Variants in GIGYF1 observed in about 807,000 individuals in gnomAD.
GIGYF1 encodes the protein GRB10-interacting GYF protein 1.
In GIGYF1, 84 loss-of-function variants were observed where a neutral mutation model predicts 147.1. The ratio of observed to expected loss-of-function variants is 0.57; its 90% CI spans 0.48 to 0.68. The LOEUF (loss-of-function observed/expected upper bound fraction) is 0.68. Ranked by LOEUF, GIGYF1 falls within the 30% of genes least tolerant of loss-of-function variation. The pLI is 0.00. For missense variants in GIGYF1, 1,485 were observed against 1,393.7 expected (o/e 1.07, Z -1.04); for synonymous variants, 752 against 589.5 (o/e 1.28, Z -3.99).
chr7:100,686,213 G>C lies in GIGYF1; in HGVS notation c.915C>G (p.Thr305=), dbSNP rs1805323052. Residue 305 remains threonine (T), a synonymous_variant, in exon 11 of 27, where the codon ACC becomes ACG. Transcript: ENST00000678049. ...GCAAGAAGGCCCCAGAGGCATCAAA[G>C]GTGCCCATTTCTTCATCCTCATCGT... ...CLDDEDEEMG[T]FDASGAFLPL... The C allele has an allele frequency of 6.2e-7, 1 of 1,613,468 alleles. No homozygotes were observed. Among genetic ancestry groups the C allele is most frequent in the Admixed American group, 1.7e-5 (1 of 59,946 alleles).
rs77794375 is a variant in GIGYF1 at position 100,687,853 on chromosome 7, C to T, written c.196G>A (p.Ala66Thr). ...VPEELQDKEF[A>T]AVLQDEPLQP... Reference sequence around the variant, plus strand: ...AGTGGCTCGTCCTGCAGCACCGCGGCGAACTCCTTGTCCTGCAGCTCTTCC... The same window carrying T: ...AGTGGCTCGTCCTGCAGCACCGCGGTGAACTCCTTGTCCTGCAGCTCTTCC... Residue 66 changes from alanine (A) to threonine (T), a missense_variant, in exon 6 of 27, where the codon GCC (alanine) becomes ACC (threonine). Transcript: ENST00000678049. 66,041 of 1,613,028 alleles carry T rather than the reference C, an allele frequency of 0.041. 10,761 individuals carry two copies. In the East Asian group the frequency reaches 0.52, roughly 13 times the overall value.
Position 100,686,738 on chromosome 7 carries a change from C to G in GIGYF1, c.605G>C (p.Arg202Pro). 1 of 1,613,888 alleles carries G rather than the reference C, an allele frequency of 6.2e-7. No homozygotes were observed. The highest frequency in any genetic ancestry group is 8.5e-7 in the Non-Finnish European group (1 of 1,179,984). Residue 202 changes from arginine to proline, a missense_variant, in exon 10 of 27, where the codon CGG (arginine) becomes CCG (proline). Arg to Pro is a moderately radical substitution (Grantham distance 103). Transcript: ENST00000678049. The part of the protein sequence containing the change: ...RSDSENWRSL[R>P]EEQEEEEEGS... The stretch of plus-strand genomic sequence containing the variant: ...CTCCTCCTCCTCCTCCTGTTCCTCC[C>G]GTAGGGAGCGCCAGTTCTCGCTGTC...
Position 100,683,249 on chromosome 7 carries a change from G to A in GIGYF1, c.2194-19C>T, listed in dbSNP as rs1804968253. On this transcript the variant is annotated intron_variant, in intron 21 of 26. Transcript: ENST00000678049. Reference sequence around the variant, plus strand: ...GCCGCACCTAAGAGGGGGACATGGTGAGGGGACCTGGCGAGGGTTGTCCAC... The same window carrying A: ...GCCGCACCTAAGAGGGGGACATGGTAAGGGGACCTGGCGAGGGTTGTCCAC... 1.5e-5 allele frequency: 24 copies of A among 1,612,940 alleles called. No homozygotes were observed. Among genetic ancestry groups the A allele is most frequent in the Non-Finnish European group, 1.9e-5 (23 of 1,179,930 alleles).
At chr7:100,685,233 C>A in intron 13 of GIGYF1, 87 bp from the exon 14 acceptor site, 1 of 1,519,498 alleles carries the variant, frequency 6.6e-7, no homozygotes, top group Non-Finnish European at 8.9e-7. Context: ...ACACCACGCT[C>A]TTGCCATGGC....
chr7:100,683,483 G>A (rs201435594), intron 20 of GIGYF1, 39 bp from the exon 21 acceptor site: 4 of 1,613,860 alleles, frequency 2.5e-6, no homozygotes, highest in South Asian at 1.1e-5. Context: ...AGCTGCAGGG[G>A]ACAGCCTGGG....
chr7:100,684,416 C>T, intron 16 of GIGYF1, 34 bp downstream of exon 16: 4 of 1,610,136 alleles, frequency 2.5e-6, no homozygotes, highest in Non-Finnish European at 3.4e-6. Context: ...ACCCCTCACA[C>T]CCTGTCCCTC....
rs1804950967 is a variant in GIGYF1 at position 100,683,114 on chromosome 7, G to A, written c.2310C>T (p.Ser770=). 3.8e-6 allele frequency: 6 copies of A among 1,593,452 alleles called. No individual in the cohort carries two copies. Among genetic ancestry groups the A allele is most frequent in the Non-Finnish European group, 4.3e-6 (5 of 1,174,666 alleles). ...LWAGLAKQGL[S]MKTLLELQLE... is the part of the protein sequence containing the mutation. ...GCTGCAACTCCAGGAGCGTCTTCAT[G>A]GACAGCCCCTGCTTGGCCAGGCCAG... The change falls in exon 22 of 27, where the codon TCC becomes TCT. Residue 770 remains serine, a synonymous_variant. Coordinates refer to ENST00000678049, the MANE Select transcript of GIGYF1 (RefSeq NM_001375765.1).
intron 1 of GIGYF1, among the ~76,000 whole-genome samples, chr7:100,693,707 C>T (rs969387071): frequency 6.6e-6 from 1 of 152,010 alleles, no homozygotes; most frequent in Non-Finnish European, 1.5e-5. Flanking sequence ...CAGGGCAGGG[C>T]TTGGCAGGGG....
rs1226970750 is a variant in GIGYF1, at chr7:100,679,928, GT to G, written c.*1790del. 6.6e-6 allele frequency: 1 copy of G among 152,622 alleles called. No individual in the cohort carries two copies. The highest frequency in any genetic ancestry group is 1.9e-4 in the East Asian group (1 of 5,158). The allele number at this position is 152,622 out of a possible 1,614,324, so 9.5% of individuals were successfully genotyped here. ...TTCCCCTGCATTGGCTGCGGCAGGG[GT>G]GGGGGGGTTACATTCAGTCACAACA... On this transcript the variant is annotated 3_prime_UTR_variant, in exon 27 of 27. Transcript: ENST00000678049.
Position 100,681,357 on chromosome 7 carries a change from TAA to T in GIGYF1, c.*360_*361del, listed in dbSNP as rs368356220. ...TTTTTCATTTTTCATCTTTTTTTCT[TAA>T]AAAAAAAAAAAAAACCAAAAAACAA... On this transcript the variant is annotated 3_prime_UTR_variant, in exon 27 of 27. Transcript: ENST00000678049. The T allele has an allele frequency of 1.0e-4, 14 of 138,304 alleles. No individual in the cohort carries two copies. Among genetic ancestry groups the T allele is most frequent in the African/African-American group, 2.2e-4 (8 of 36,380 alleles). The allele number at this position is 138,304 out of a possible 1,614,324, so 8.6% of individuals were successfully genotyped here. A position where few individuals can be genotyped will look rare whatever the true frequency, so the allele number is the denominator to read the frequency against.
chr7:100,685,414 G>T lies in GIGYF1; in HGVS notation c.1122C>A (p.Thr374=). ...EKSSSPSPLP[T]LGPLWGTNGD... ...CGTTTGTCCCCCAGAGTGGGCCCAG[G>T]GTGGGCAGTGGGGATGGGGAGCTGG... is the stretch of plus-strand genomic sequence containing the variant. Residue 374 remains threonine, a synonymous_variant, in exon 13 of 27, where the codon ACC becomes ACA. Coordinates refer to ENST00000678049, the MANE Select transcript of GIGYF1 (RefSeq NM_001375765.1). 16 of 1,588,130 alleles carry T rather than the reference G, an allele frequency of 1.0e-5. No homozygotes were observed. Among genetic ancestry groups the T allele is most frequent in the Non-Finnish European group, 1.4e-5 (16 of 1,173,912 alleles).
chr7:100,687,541 C>T lies in GIGYF1; in HGVS notation c.337G>A (p.Gly113Ser). The change falls in exon 7 of 27, where the codon GGC becomes AGC. Residue 113 changes from glycine (G) to serine (S), a missense_variant. By Grantham distance (56) the Gly-to-Ser change is moderately conservative (BLOSUM62 0). Transcript: ENST00000678049. ...GTGCTGCCCCTGCCTCGGGAGGTGC[C>T]AGCCAGGGGGGGGCCAGCCCCTTTC... is the stretch of plus-strand genomic sequence containing the variant. The part of the protein sequence containing the change: ...MGKGAGPPLA[G>S]TSRGRGSTRS... 6.2e-7 allele frequency: 1 copy of T among 1,612,388 alleles called. No individual in the cohort carries two copies. The highest frequency in any genetic ancestry group is 1.1e-5 in the South Asian group (1 of 91,008).
In GIGYF1 at chr7:100,682,627, G is replaced by T; in HGVS notation, c.2563C>A (p.Leu855Ile). 1 of 1,598,680 alleles carries T rather than the reference G, an allele frequency of 6.3e-7. No individual in the cohort carries two copies. The change falls in exon 23 of 27, where the codon CTC (leucine) becomes ATC (isoleucine). Residue 855 changes from leucine to isoleucine, a missense_variant. Leu to Ile is a conservative substitution (Grantham distance 5). Coordinates refer to ENST00000678049, the MANE Select transcript of GIGYF1 (RefSeq NM_001375765.1). ...CTGCTCCGGCTGTTCTTCAGGCCGAGGCCACGGACCAGGCTCCCGCCGCTC... is the reference window on the plus strand; with the variant it reads ...CTGCTCCGGCTGTTCTTCAGGCCGATGCCACGGACCAGGCTCCCGCCGCTC... ...PKSGGSLVRG[L>I]GLKNSRSSPS...
At position 100,683,225 on chromosome 7, in the gene GIGYF1, C is replaced by A. The variant is rs1297676647; in HGVS notation, c.2199G>T (p.Arg733=). The part of the protein sequence containing the change: ...EEELFRRKHV[R]QQELLLKLLQ... ...GCAACTTCAGCAATAGCTCCTGCTGCCGCACCTAAGAGGGGGACATGGTGA... is the reference window on the plus strand; with the variant it reads ...GCAACTTCAGCAATAGCTCCTGCTGACGCACCTAAGAGGGGGACATGGTGA... The change falls in exon 22 of 27, where the codon CGG becomes CGT. Residue 733 remains arginine, a synonymous_variant. Transcript: ENST00000678049. 1.2e-6 allele frequency: 2 copies of A among 1,611,930 alleles called. No individual in the cohort carries two copies. The highest frequency in any genetic ancestry group is 1.7e-6 in the Non-Finnish European group (2 of 1,179,966).
Position 100,682,734 on chromosome 7 carries a change from G to A in GIGYF1, c.2456C>T (p.Ser819Phe). 6.4e-7 allele frequency: 1 copy of A among 1,558,564 alleles called. No homozygotes were observed. Among genetic ancestry groups the A allele is most frequent in the Non-Finnish European group, 8.7e-7 (1 of 1,153,810 alleles). Reference sequence around the variant, plus strand: ...CCCGCCCCACAGTGGCCCAGCCTCAGACACCCACTGGTTCAGGGGGGCAGT... The same window carrying A: ...CCCGCCCCACAGTGGCCCAGCCTCAAACACCCACTGGTTCAGGGGGGCAGT... ...LGTAPLNQWV[S>F]EAGPLWGGPD... The change falls in exon 23 of 27, where the codon TCT becomes TTT. Residue 819 changes from serine to phenylalanine, a missense_variant. Physicochemically the swap from Ser to Phe is radical, Grantham distance 155. Transcript: ENST00000678049.
At position 100,681,724 on chromosome 7, in the gene GIGYF1, A is replaced by T; in HGVS notation, c.3103T>A (p.Tyr1035Asn). The change falls in exon 27 of 27, where the codon TAC (tyrosine) becomes AAC (asparagine). Residue 1035 changes from tyrosine (Y) to asparagine (N), a missense_variant. Physicochemically the swap from Tyr to Asn is moderately radical, Grantham distance 143. Transcript: ENST00000678049. ...GGGCTGGGGGTCCGGGCTGGTCAGT[A>T]GTCATCCACGCTCTCGATCTCACCA... ...SSGEIESVDD[Y>N] 2 of 1,568,358 alleles carry T rather than the reference A, an allele frequency of 1.3e-6. No homozygotes were observed. The highest frequency in any genetic ancestry group is 1.7e-6 in the Non-Finnish European group (2 of 1,156,902).
chr7:100,688,122 A>C lies in GIGYF1; in HGVS notation c.36-12T>G. 6.2e-7 allele frequency: 1 copy of C among 1,605,670 alleles called. No individual in the cohort carries two copies. Among genetic ancestry groups the C allele is most frequent in the East Asian group, 2.2e-5 (1 of 44,676 alleles). ...ACAGGGCCCTGAGCCTGGACACAAC[A>C]CAGAGAGAAGAAGACAGAGGTCAGG... On this transcript the variant is annotated splice_polypyrimidine_tract_variant and intron_variant, in intron 4 of 26. Coordinates refer to ENST00000678049, the MANE Select transcript of GIGYF1 (RefSeq NM_001375765.1).
chr7:100,680,059 CTT>C lies in GIGYF1; in HGVS notation c.*1658_*1659del, dbSNP rs1386247272. On this transcript the variant is annotated 3_prime_UTR_variant, in exon 27 of 27. Transcript: ENST00000678049. Reference sequence around the variant, plus strand: ...CTTATTGCTTTAGAGAGAATATTGTCTTTTCAGGGACGCTAACACTGTGGGAA... The same window carrying C: ...CTTATTGCTTTAGAGAGAATATTGTCTTCAGGGACGCTAACACTGTGGGAA... 1 of 149,054 alleles carries C rather than the reference CTT, an allele frequency of 6.7e-6. No homozygotes were observed. Among genetic ancestry groups the C allele is most frequent in the Non-Finnish European group, 1.5e-5 (1 of 67,582 alleles). The allele number at this position is 149,054 out of a possible 1,614,324, so 9.2% of individuals were successfully genotyped here. A position where few individuals can be genotyped will look rare whatever the true frequency, so the allele number is the denominator to read the frequency against.
rs545497452 is a variant in GIGYF1, at chr7:100,694,208, GGCGCTCCCGC to G, written c.-1207_-1198del. The stretch of plus-strand genomic sequence containing the variant: ...GGCTAGCAGCGGGGGAGGGGGCGCT[GGCGCTCCCGC>G]GGCGGCCGCTCCTCTGTGTTTGTGT... On this transcript the variant is annotated 5_prime_UTR_variant, in exon 1 of 27. Transcript: ENST00000678049. Among the ~76,000 whole-genome samples the G allele has an allele frequency of 8.6e-4, 125 of 145,528 alleles. No homozygotes were observed. Among genetic ancestry groups the G allele is most frequent in the South Asian group, 7.6e-3 (36 of 4,738 alleles).
Sources: allele counts gnomAD v4.1 joint callset (sites outside exome capture counted in the v4.1 genomes callset), GRCh38; gene constraint gnomAD v4.1.1; transcripts MANE v1.5; gene names NCBI Gene and HGNC (gene_info 2026-07-23, HGNC 2026-07-21).